TARBP1: variants seen among roughly 807,000 people sequenced by gnomAD.
TARBP1 encodes the protein tRNA (guanosine(18)-2'-O)-methyltransferase TARBP1.
TARBP1 carries 144 observed loss-of-function variants against 178.6 expected under a neutral mutation model. That is an observed-to-expected ratio of 0.81 (90% confidence interval 0.70 to 0.93). The LOEUF (loss-of-function observed/expected upper bound fraction) is 0.93. Among genes scored for constraint, TARBP1 ranks in the 40% least tolerant of loss-of-function variants. TARBP1 has a pLI of 0.00. For missense variants in TARBP1, 2,067 were observed against 2,011.7 expected (o/e 1.03, Z -0.53); for synonymous variants, 787 against 781.0 (o/e 1.01, Z -0.13).
At chr1:234,462,286 C>T (rs1667931544) in intron 6 of TARBP1, among the ~76,000 whole-genome samples, 1 of 152,214 alleles carries the variant, frequency 6.6e-6, no homozygotes. Flanking sequence ...ACCGACATCA[C>T]TTCACTCACG....
chr1:234,432,364 C>T (rs1260004519), intron 14 of TARBP1, among the ~76,000 whole-genome samples: 1 of 152,082 alleles, frequency 6.6e-6, no homozygotes, highest in East Asian at 1.9e-4. Flanking sequence ...ACTGCTTGAA[C>T]CCAGGAGGCT....
chr1:234,410,680 C>A, intron 22 of TARBP1, 149 bp from the exon 23 acceptor site: 1 of 557,390 alleles, frequency 1.8e-6, no homozygotes. Flanking sequence ...AAGGGGGCTG[C>A]GGCAACAGGC....
chr1:234,440,676 T>C (rs1049636234), intron 12 of TARBP1, among the ~76,000 whole-genome samples: 2 of 152,162 alleles, frequency 1.3e-5, no homozygotes, highest in Non-Finnish European at 2.9e-5. Context: ...TAGAATTACG[T>C]CCTTCAGCAA....
chr1:234,464,663 A>AAT (rs1442711870), intron 5 of TARBP1, among the ~76,000 whole-genome samples: 16 of 152,364 alleles, frequency 1.1e-4, no homozygotes, highest in African/African-American at 3.8e-4. Context: ...AACAGGACTA[A>AAT]ATATTAATAT....
At chr1:234,432,023 G>A (rs1490506760) in intron 14 of TARBP1, among the ~76,000 whole-genome samples, 3 of 151,620 alleles carry the variant, frequency 2.0e-5, no homozygotes, top group Non-Finnish European at 4.4e-5. Context: ...TACAATCCCA[G>A]CTACTCAGGA....
Position 234,478,059 on chromosome 1 carries a change from A to C in TARBP1, c.931+114T>G, listed in dbSNP as rs534222055. 3.4e-5 allele frequency: 37 copies of C among 1,084,960 alleles called. No homozygotes were observed. The South Asian group carries it at 5.6e-4, about 16-fold the overall frequency. 67.2% of individuals were successfully genotyped at this position (1,084,960 alleles called of 1,614,324 possible). On this transcript the variant is annotated intron_variant, in intron 1 of 29. Transcript: ENST00000040877. ...TAGGGGAGCAACGCGGAATAACCAAATTCTGCATGGATCGGAGTGACGACC... is the reference window on the plus strand; with the variant it reads ...TAGGGGAGCAACGCGGAATAACCAACTTCTGCATGGATCGGAGTGACGACC...
At chr1:234,445,100 T>C (rs1361884016) in intron 12 of TARBP1, among the ~76,000 whole-genome samples, 1 of 152,204 alleles carries the variant, frequency 6.6e-6, no homozygotes, top group African/African-American at 2.4e-5. Flanking sequence ...CTGATTTCCA[T>C]GTTGCTAAAT....
rs58054475 is a variant in TARBP1 at position 234,435,992 on chromosome 1, C to T, written c.2232+1283G>A. On this transcript the variant is annotated intron_variant, in intron 13 of 29. Coordinates refer to ENST00000040877, the MANE Select transcript of TARBP1 (RefSeq NM_005646.4). ...TGTGGGAAGAGAATTTTATTAAACT[C>T]TAAGCTACTAAACAAACGTAACTTA... is the stretch of plus-strand genomic sequence containing the variant. Among the ~76,000 whole-genome samples, 4 of 152,278 alleles carry T rather than the reference C, an allele frequency of 2.6e-5. No homozygotes were observed. The East Asian group carries it at 7.7e-4, about 29-fold the overall frequency.
At chr1:234,435,540 A>G (rs1664923599) in intron 13 of TARBP1, among the ~76,000 whole-genome samples, 1 of 152,254 alleles carries the variant, frequency 6.6e-6, no homozygotes, top group Non-Finnish European at 1.5e-5. Context: ...CATGAAAAGA[A>G]TTCAGGAGAA....
At chr1:234,441,538 C>T (rs1171145053) in intron 12 of TARBP1, among the ~76,000 whole-genome samples, 1 of 152,174 alleles carries the variant, frequency 6.6e-6, no homozygotes, top group Non-Finnish European at 1.5e-5. Context: ...AATTATTTGT[C>T]AACAATTTTT....
chr1:234,424,914 A>G (rs1663536964), intron 20 of TARBP1, among the ~76,000 whole-genome samples: 1 of 152,112 alleles, frequency 6.6e-6, no homozygotes, highest in Non-Finnish European at 1.5e-5. Flanking sequence ...ATACAAAATT[A>G]GCCGGGCATG....
intron 9 of TARBP1, among the ~76,000 whole-genome samples, chr1:234,455,340 G>A (rs1002535211): frequency 6.6e-6 from 1 of 152,182 alleles, no homozygotes; most frequent in East Asian, 1.9e-4. Context: ...TTCTGCAGAT[G>A]TACCTGCAGA....
intron 5 of TARBP1, among the ~76,000 whole-genome samples, chr1:234,464,395 C>T (rs562322995): frequency 1.3e-4 from 20 of 152,302 alleles, no homozygotes; most frequent in African/African-American, 4.6e-4. Flanking sequence ...TTAACATCTA[C>T]TAAAGTCACA....
At chr1:234,399,890 TGGGGGGAG>T (rs1660506129) in intron 25 of TARBP1, among the ~76,000 whole-genome samples, 1 of 24,450 alleles carries the variant, frequency 4.1e-5, no homozygotes, top group Non-Finnish European at 7.5e-5. Context: ...TGTTGTGGGG[TGGGGGGAG>T]GGGGGGAGGG....
chr1:234,418,391 T>A (rs1662683011), intron 21 of TARBP1, among the ~76,000 whole-genome samples, 158 bp from the exon 22 acceptor site: 1 of 152,224 alleles, frequency 6.6e-6, no homozygotes, highest in Non-Finnish European at 1.5e-5. Flanking sequence ...GATTAAAATA[T>A]AATGATGAAG....
At chr1:234,463,795 T>G in intron 6 of TARBP1, 42 bp downstream of exon 6, 1 of 1,208,560 alleles carries the variant, frequency 8.3e-7, no homozygotes, top group Non-Finnish European at 1.1e-6. Context: ...AAAGAAACTG[T>G]AAGCTAAAGC....
chr1:234,476,122 T>C (rs774136465), intron 1 of TARBP1, among the ~76,000 whole-genome samples: 2 of 152,178 alleles, frequency 1.3e-5, no homozygotes, highest in Non-Finnish European at 2.9e-5. Context: ...ATAATTGATA[T>C]GCTAAAGGAT....
rs370822008 is a variant in TARBP1 at position 234,393,652 on chromosome 1, A to T, written c.4429T>A (p.Leu1477Ile). ...VASLIDKPTN[L>I]GGLCRTCEVF... ...CAGAAAACTCCAACTTTACCTCCTA[A>T]ATTGGTCGGTTTGTCGATGAGCGAG... The change falls in exon 27 of 30, where the codon TTA becomes ATA. Residue 1477 changes from leucine to isoleucine, a missense_variant. Leu to Ile is a conservative substitution (Grantham distance 5, BLOSUM62 2). Transcript: ENST00000040877. 15 of 1,604,588 alleles carry T rather than the reference A, an allele frequency of 9.3e-6. No homozygotes were observed. In the Admixed American group the frequency reaches 1.2e-4, roughly 13 times the overall value.
In TARBP1 at chr1:234,454,882, ATGC is replaced by A. The variant is rs1483964810; in HGVS notation, c.1722+2782_1722+2784del. ...TTAAGTATTCTCAGATGGGGACATT[ATGC>A]TGGATTATTTGAGGGGGCCCAATGT... is the stretch of plus-strand genomic sequence containing the variant. On this transcript the variant is annotated intron_variant, in intron 9 of 29. Transcript: ENST00000040877. Among the ~76,000 whole-genome samples the A allele has an allele frequency of 2.0e-5, 3 of 152,342 alleles. No homozygotes were observed. The East Asian group carries it at 5.8e-4, about 29-fold the overall frequency.
Sources: allele counts gnomAD v4.1 joint callset (sites outside exome capture counted in the v4.1 genomes callset), GRCh38; gene constraint gnomAD v4.1.1; transcripts MANE v1.5; gene names NCBI Gene and HGNC (gene_info 2026-07-23, HGNC 2026-07-21).